Variants in TOP1 observed in about 807,000 individuals in gnomAD.
TOP1 encodes the protein DNA topoisomerase I.
A neutral mutation model predicts 111.1 loss-of-function variants in TOP1; 10 were observed. The observed-to-expected ratio is 0.09, with a 90% confidence interval of 0.06 to 0.15. TOP1 has a LOEUF of 0.15. Among genes scored for constraint, TOP1 ranks in the 10% least tolerant of loss-of-function variants. TOP1 has a pLI of 1.00. For missense variants in TOP1, 474 were observed against 926.7 expected (o/e 0.51, Z 6.34); for synonymous variants, 271 against 302.9 (o/e 0.89, Z 1.10).
intron 8 of TOP1, among the ~76,000 whole-genome samples, chr20:41,085,604 A>G (rs1046915185): frequency 6.6e-6 from 1 of 152,272 alleles, no homozygotes; most frequent in Non-Finnish European, 1.5e-5. Flanking sequence ...GACAGATTTA[A>G]TAGTTAGAAT....
In TOP1 at chr20:41,089,020, CTTTT is replaced by C. The variant is rs59200685; in HGVS notation, c.615-3433_615-3430del. Among the ~76,000 whole-genome samples the C allele has an allele frequency of 2.7e-3, 210 of 77,902 alleles. 5 individuals are homozygous for C. The highest frequency in any genetic ancestry group is 0.014 in the Admixed American group (85 of 6,052). 51.1% of individuals were successfully genotyped at this position (77,902 alleles called of 152,430 possible). ...TCCCCACTTCTCTGTTGCCCCAGTT[CTTTT>C]TTTTTTTTTTTTTTTTTTGAGACAG... is the stretch of plus-strand genomic sequence containing the variant. On this transcript the variant is annotated intron_variant, in intron 8 of 20. Coordinates refer to ENST00000361337, the MANE Select transcript of TOP1 (RefSeq NM_003286.4).
chr20:41,121,755 T>TGATGCCAAGGTCATGAAG lies in TOP1; in HGVS notation c.2016_2033dup (p.Val674_Lys679dup). 1 of 1,614,220 alleles carries TGATGCCAAGGTCATGAAG rather than the reference T, an allele frequency of 6.2e-7. No homozygotes were observed. Among genetic ancestry groups the TGATGCCAAGGTCATGAAG allele is most frequent in the Non-Finnish European group, 8.5e-7 (1 of 1,180,030 alleles). ...GGAGAGACCTGAAAAGTGCTAAGGC[T>TGATGCCAAGGTCATGAAG]GATGCCAAGGTCATGAAGGATGCAA... On this transcript the variant is annotated inframe_insertion, in exon 19 of 21. Coordinates refer to ENST00000361337, the MANE Select transcript of TOP1 (RefSeq NM_003286.4). This position sits in a 1 kb window ranked among gnomAD's most constrained non-coding sequence, Gnocchi z 4.2.
chr20:41,029,169 C>G lies in TOP1; in HGVS notation c.33+69C>G. The G allele has an allele frequency of 3.2e-6, 4 of 1,245,320 alleles. No homozygotes were observed. The highest frequency in any genetic ancestry group is 4.2e-6 in the Non-Finnish European group (4 of 948,950). The allele number at this position is 1,245,320 out of a possible 1,614,324, so 77.1% of individuals were successfully genotyped here. ...CCGTCCCGCGACCCCCGGCGCAGGCCCCGACCCCAGCCCCGGCCCGGCAGC... is the reference window on the plus strand; with the variant it reads ...CCGTCCCGCGACCCCCGGCGCAGGCGCCGACCCCAGCCCCGGCCCGGCAGC... On this transcript the variant is annotated intron_variant, in intron 1 of 20. Transcript: ENST00000361337. The surrounding 1 kb of genome is among the most constrained non-coding windows in gnomAD (Gnocchi z 6.1).
intron 18 of TOP1, among the ~76,000 whole-genome samples, chr20:41,119,017 A>AT (rs1480651329): frequency 4.6e-5 from 7 of 152,230 alleles, no homozygotes; most frequent in Non-Finnish European, 1.0e-4. Flanking sequence ...CACAGTGAGA[A>AT]TTTGCAGATA....
chr20:41,072,477 C>T, intron 3 of TOP1: 1 of 985,428 alleles, frequency 1.0e-6, no homozygotes, highest in Non-Finnish European at 1.2e-6. Flanking sequence ...TGACTGACCC[C>T]ACATTGACTC....
At chr20:41,059,995 C>A (rs754995672) in intron 2 of TOP1, among the ~76,000 whole-genome samples, 5 of 152,110 alleles carry the variant, frequency 3.3e-5, no homozygotes, top group Non-Finnish European at 7.4e-5. Flanking sequence ...CCACTCCACA[C>A]GTGCTAGAAT....
At chr20:41,090,697 G>C (rs1250682884) in intron 8 of TOP1, among the ~76,000 whole-genome samples, 2 of 150,420 alleles carry the variant, frequency 1.3e-5, no homozygotes, top group Admixed American at 1.3e-4. Context: ...GAGACGGGGG[G>C]GTCTCGCCAT....
chr20:41,036,831 T>TC (rs2033192173), intron 2 of TOP1, among the ~76,000 whole-genome samples: 1 of 48,336 alleles, frequency 2.1e-5, no homozygotes, highest in African/African-American at 8.5e-5. Flanking sequence ...TTCCTACTTT[T>TC]CTTTTTTTTT....
Position 41,114,424 on chromosome 20 carries a change from C to T in TOP1, c.1638+269C>T, listed in dbSNP as rs184086376. Among the ~76,000 whole-genome samples, 299 of 152,280 alleles carry T rather than the reference C, an allele frequency of 2.0e-3. No individual in the cohort carries two copies. The highest frequency in any genetic ancestry group is 3.1e-3 in the Non-Finnish European group (214 of 68,014). On this transcript the variant is annotated intron_variant, in intron 15 of 20. Transcript: ENST00000361337. The surrounding 1 kb of genome is among the most constrained non-coding windows in gnomAD (Gnocchi z 4.5). ...TGGGCAAAATAGTGAGACCTTGCCT[C>T]TCATATTAAAATAAATAAAAATAAA... is the stretch of plus-strand genomic sequence containing the variant.
At chr20:41,055,020 G>GT (rs1332983713) in intron 2 of TOP1, among the ~76,000 whole-genome samples, 1 of 152,150 alleles carries the variant, frequency 6.6e-6, no homozygotes, top group Non-Finnish European at 1.5e-5. Context: ...TGTTCTATCT[G>GT]TTTAACTTAT....
Position 41,080,053 on chromosome 20 carries a change from G to C in TOP1, c.336-32G>C. On this transcript the variant is annotated intron_variant, in intron 5 of 20. Coordinates refer to ENST00000361337, the MANE Select transcript of TOP1 (RefSeq NM_003286.4). The surrounding 1 kb of genome is among the most constrained non-coding windows in gnomAD (Gnocchi z 5.0). ...GTATTAATAGAATACAGATGTTCTA[G>C]CACTCTGACCAGCAATTTTTTTTCT... 7.8e-7 allele frequency: 1 copy of C among 1,282,994 alleles called. No homozygotes were observed. The highest frequency in any genetic ancestry group is 1.1e-6 in the Non-Finnish European group (1 of 887,354). The allele number at this position is 1,282,994 out of a possible 1,614,324, so 79.5% of individuals were successfully genotyped here. A position where few individuals can be genotyped will look rare whatever the true frequency, so the allele number is the denominator to read the frequency against.
chr20:41,094,254 A>G lies in TOP1; in HGVS notation c.730+1667A>G, dbSNP rs2033955894. On this transcript the variant is annotated intron_variant, in intron 9 of 20. Transcript: ENST00000361337. The surrounding 1 kb of genome is among the most constrained non-coding windows in gnomAD (Gnocchi z 4.4). ...ACCTGTTGACCAGAGAGCCTAAGAC[A>G]GTTCTTTCAGCCCTCACGCTGGTCA... Among the ~76,000 whole-genome samples, 1 of 152,174 alleles carries G rather than the reference A, an allele frequency of 6.6e-6. No individual in the cohort carries two copies. The highest frequency in any genetic ancestry group is 2.1e-4 in the South Asian group (1 of 4,832).
chr20:41,039,007 AT>A (rs1456747055), intron 2 of TOP1, among the ~76,000 whole-genome samples: 4 of 151,894 alleles, frequency 2.6e-5, no homozygotes, highest in African/African-American at 9.7e-5. Flanking sequence ...AAAAAAAAAA[AT>A]CATCATCATC....
At chr20:41,065,956 T>A (rs1458170498) in intron 3 of TOP1, among the ~76,000 whole-genome samples, 1 of 152,022 alleles carries the variant, frequency 6.6e-6, no homozygotes, top group Non-Finnish European at 1.5e-5. Context: ...TGCTAATTGA[T>A]GTGGTGTGAA....
intron 13 of TOP1, among the ~76,000 whole-genome samples, chr20:41,111,691 G>A (rs1012896260): frequency 2.2e-4 from 33 of 149,146 alleles, no homozygotes; most frequent in African/African-American, 1.5e-4. Context: ...CAAGGACCAC[G>A]GGTCCACGTC....
intron 8 of TOP1, among the ~76,000 whole-genome samples, chr20:41,090,690 A>AT (rs199648532): frequency 0.12 from 18,663 of 150,284 alleles, 1,388 homozygotes; most frequent in South Asian, 0.25. Flanking sequence ...TTTAGTAGAG[A>AT]CGGGGGGGTC....
At chr20:41,049,727 A>T (rs908479250) in intron 2 of TOP1, among the ~76,000 whole-genome samples, 4 of 152,238 alleles carry the variant, frequency 2.6e-5, no homozygotes, top group Non-Finnish European at 1.5e-5. Flanking sequence ...GTATTTCAAC[A>T]CTTAAGTGGC....
rs1010451081 is a variant in TOP1 at position 41,078,207 on chromosome 20, G to A, written c.335+570G>A. ...CTCTTTTCTAGAAGGAGAGGAAAAT[G>A]CGCAAAATCTAGAGGTTACTTCCTA... On this transcript the variant is annotated intron_variant, in intron 5 of 20. Coordinates refer to ENST00000361337, the MANE Select transcript of TOP1 (RefSeq NM_003286.4). The surrounding 1 kb of genome is among the most constrained non-coding windows in gnomAD (Gnocchi z 5.3). Among the ~76,000 whole-genome samples, 14 of 152,094 alleles carry A rather than the reference G, an allele frequency of 9.2e-5. No homozygotes were observed. The highest frequency in any genetic ancestry group is 3.4e-4 in the African/African-American group (14 of 41,406).
Position 41,115,492 on chromosome 20 carries a change from G to T in TOP1, c.1707+53G>T. On this transcript the variant is annotated intron_variant, in intron 16 of 20. Coordinates refer to ENST00000361337, the MANE Select transcript of TOP1 (RefSeq NM_003286.4). This position sits in a 1 kb window ranked among gnomAD's most constrained non-coding sequence, Gnocchi z 6.3. The stretch of plus-strand genomic sequence containing the variant: ...AGGGAGTCCCAGCCAGAGCCTCACA[G>T]TACCTAAAGGGGAGGGTTGCTGGCA... 7.2e-7 allele frequency: 1 copy of T among 1,379,430 alleles called. No individual in the cohort carries two copies. 85.4% of individuals were successfully genotyped at this position (1,379,430 alleles called of 1,614,324 possible). A position where few individuals can be genotyped will look rare whatever the true frequency, so the allele number is the denominator to read the frequency against.
Sources: gnomAD v4.1 joint callset for allele counts (sites outside exome capture counted in the v4.1 genomes callset) on GRCh38, gnomAD v4.1.1 for gene constraint, Gnocchi (gnomAD v3.1) non-coding constraint, MANE v1.5 for transcripts, NCBI Gene and HGNC (gene_info 2026-07-23, HGNC 2026-07-21) for gene names.